The following EIF2B4 variants were observed in gnomAD, a reference collection of about 807,000 sequenced individuals.
EIF2B4 encodes the protein eukaryotic translation initiation factor 2B subunit delta.
EIF2B4 carries 34 observed loss-of-function variants against 66.7 expected under a neutral mutation model. The observed-to-expected ratio is 0.51, with a 90% confidence interval of 0.39 to 0.68. The LOEUF (loss-of-function observed/expected upper bound fraction) is 0.68, where lower values mean the gene tolerates loss of function less well. EIF2B4 is among the 30% of genes least tolerant of loss of function. The pLI, the probability that EIF2B4 is intolerant of heterozygous loss-of-function variation, is 0.00. For synonymous variants in EIF2B4, 278 were observed against 253.6 expected (o/e 1.10, Z -0.92); for missense variants, 618 against 657.9 (o/e 0.94, Z 0.66).
intron 11 of EIF2B4, 110 bp downstream of exon 11, chr2:27,366,649 A>C (rs1681883994): frequency 1.9e-5 from 26 of 1,358,396 alleles, no homozygotes; most frequent in Non-Finnish European, 2.5e-5. Flanking sequence ...GCTGCACTCC[A>C]TCCTTATCTC....
At chr2:27,368,956 C>T in intron 4 of EIF2B4, 50 bp downstream of exon 4, 1 of 1,609,164 alleles carries the variant, frequency 6.2e-7, no homozygotes, top group African/African-American at 1.3e-5. Flanking sequence ...GCAGCCTGAG[C>T]TGGCGTTATA....
chr2:27,368,331 T>G, intron 6 of EIF2B4, 41 bp downstream of exon 6: 1 of 1,558,410 alleles, frequency 6.4e-7, no homozygotes, highest in Non-Finnish European at 8.9e-7. Context: ...TTACTAAAAC[T>G]CCTCAGACTC....
At chr2:27,368,346 G>A (rs768638665) in intron 6 of EIF2B4, 26 bp downstream of exon 6, 33 of 1,591,000 alleles carry the variant, frequency 2.1e-5, no homozygotes, top group Non-Finnish European at 2.8e-5. Context: ...AGACTCAAAA[G>A]TTATGACAAT....
At chr2:27,370,220 G>A (rs1321431282) in intron 1 of EIF2B4, 64 bp downstream of exon 1, 4 of 1,541,126 alleles carry the variant, frequency 2.6e-6, no homozygotes, top group East Asian at 2.4e-5. Context: ...CTCAAGGCCC[G>A]GCACTAGCTG....
Position 27,367,457 on chromosome 2 carries a change from C to T in EIF2B4, c.885G>A (p.Glu295=). Residue 295 remains glutamate, a splice_region_variant and synonymous_variant, in exon 9 of 13, where the codon GAG becomes GAA. Transcript: ENST00000347454. ...CTTCCTTATTTCTCATACTCATCAC[C>T]TCCTCTTCCCGCTTGGAACTGCCCA... The part of the protein sequence containing the change: ...TSVGSSKREE[E]AKSELRAAID... 1 of 1,614,068 alleles carries T rather than the reference C, an allele frequency of 6.2e-7. No homozygotes were observed.
At chr2:27,369,735 C>T in intron 2 of EIF2B4, 141 bp downstream of exon 2, 2 of 1,438,892 alleles carry the variant, frequency 1.4e-6, no homozygotes, top group Middle Eastern at 1.8e-4. Context: ...TCATATATCC[C>T]TAGGGTTGCA....
At position 27,367,739 on chromosome 2, in the gene EIF2B4, T is replaced by C. The variant is rs1315231810; in HGVS notation, c.782+7A>G. The C allele has an allele frequency of 2.5e-6, 4 of 1,609,124 alleles. No individual in the cohort carries two copies. The highest frequency in any genetic ancestry group is 3.4e-6 in the Non-Finnish European group (4 of 1,175,460). ...AGCTGGGAGTGGACTTATAGTGTTG[T>C]CCCTACCTCATGTAGGGTTTTAGTT... is the stretch of plus-strand genomic sequence containing the variant. On this transcript the variant is annotated splice_region_variant and intron_variant, in intron 8 of 12. Coordinates refer to ENST00000347454, the MANE Select transcript of EIF2B4 (RefSeq NM_001034116.2).
In EIF2B4 at chr2:27,369,066, C is replaced by A. The variant is rs1682113289; in HGVS notation, c.358G>T (p.Gly120Trp). The A allele has an allele frequency of 6.2e-7, 1 of 1,614,058 alleles. No homozygotes were observed. Among genetic ancestry groups the A allele is most frequent in the Admixed American group, 1.7e-5 (1 of 60,000 alleles). ...AERALKQARKGEQGGPPPKAS... is the reference protein window; with the variant it reads ...AERALKQARKWEQGGPPPKAS... Reference sequence around the variant, plus strand: ...TTAGGAGGTGGTCCTCCTTGTTCCCCTTTTCTTGCCTGTTTCAGGGCCCGC... The same window carrying A: ...TTAGGAGGTGGTCCTCCTTGTTCCCATTTTCTTGCCTGTTTCAGGGCCCGC... The change falls in exon 4 of 13, where the codon GGG (glycine) becomes TGG (tryptophan). Residue 120 changes from glycine (G) to tryptophan (W), a missense_variant. Physicochemically the swap from Gly to Trp is radical, Grantham distance 184. This residue lies in a region of EIF2B4 where 506 missense variants were observed against 511.9 expected (regional missense o/e 0.99). Coordinates refer to ENST00000347454, the MANE Select transcript of EIF2B4 (RefSeq NM_001034116.2).
At position 27,370,300 on chromosome 2, in the gene EIF2B4, G is replaced by A. The variant is rs575951063; in HGVS notation, c.15C>T (p.Ala5=). The A allele has an allele frequency of 1.7e-5, 26 of 1,545,928 alleles. No individual in the cohort carries two copies. The South Asian group carries it at 2.4e-4, about 14-fold the overall frequency. ...TTCACTCACCCTCGCGAACAGCCAC[G>A]GCCACAGCAGCCATCGCCCTCAGTC... The part of the protein sequence containing the change: MAAV[A]VAVREDSGSG... The change falls in exon 1 of 13, where the codon GCC becomes GCT. Residue 5 remains alanine, a synonymous_variant. Coordinates refer to ENST00000347454, the MANE Select transcript of EIF2B4 (RefSeq NM_001034116.2).
At chr2:27,365,073 T>G (rs1681751271) in intron 11 of EIF2B4, 175 bp from the exon 12 acceptor site, 1 of 671,150 alleles carries the variant, frequency 1.5e-6, no homozygotes, top group Non-Finnish European at 2.5e-6. Flanking sequence ...TTTTTTTCTT[T>G]GAGATGAAGT....
intron 2 of EIF2B4, 95 bp downstream of exon 2, chr2:27,369,777 GAAAT>G: frequency 6.7e-7 from 1 of 1,482,804 alleles, no homozygotes; most frequent in Non-Finnish European, 9.1e-7. Context: ...GCTTTACTGA[GAAAT>G]AAACCGACAC....
In EIF2B4 at chr2:27,368,433, CTT is replaced by C; in HGVS notation, c.527_528del (p.Lys176SerfsTer69). 6.2e-7 allele frequency: 1 copy of C among 1,614,158 alleles called. No homozygotes were observed. Among genetic ancestry groups the C allele is most frequent in the Non-Finnish European group, 8.5e-7 (1 of 1,180,006 alleles). On this transcript the variant is annotated frameshift_variant, in exon 6 of 13. Coordinates refer to ENST00000347454, the MANE Select transcript of EIF2B4 (RefSeq NM_001034116.2). LOFTEE classifies it high-confidence loss of function. Reference protein sequence around the residue: ...QVPTRKDYGSKVSLFSHLPQY... With the variant: ...QVPTRKDYGSXVSLFSHLPQY... ...TGGGGTAGGTGAGAGAAGAGACTGACTTTGGATCCATAATCCTTTCGTGTAGG... is the reference window on the plus strand; with the variant it reads ...TGGGGTAGGTGAGAGAAGAGACTGACTGGATCCATAATCCTTTCGTGTAGG...
rs56053133 is a variant in EIF2B4, at chr2:27,366,215, GGTGTGTGTGTGTGTGTGT to G, written c.1191+526_1191+543del. On this transcript the variant is annotated intron_variant, in intron 11 of 12. Transcript: ENST00000347454. Reference sequence around the variant, plus strand: ...CATGCCCGGGGTGGGGGTGGGGTGGGGTGTGTGTGTGTGTGTGTGTGTGTGTGTGTGTGTGTGTGTGTG... The same window carrying G: ...CATGCCCGGGGTGGGGGTGGGGTGGGGTGTGTGTGTGTGTGTGTGTGTGTG... The G allele has an allele frequency of 8.6e-4, 88 of 102,706 alleles. 1 individual carries two copies. The highest frequency in any genetic ancestry group is 2.4e-3 in the African/African-American group (56 of 23,764). 6.4% of individuals were successfully genotyped at this position (102,706 alleles called of 1,614,324 possible).
chr2:27,369,332 G>C lies in EIF2B4; in HGVS notation c.211+82C>G, dbSNP rs552226155. ...TTACACACTTGCTCAAATCAACTTT[G>C]TCCTGTCTCTCCCTTATCTCTCCCA... On this transcript the variant is annotated intron_variant, in intron 3 of 12. Coordinates refer to ENST00000347454, the MANE Select transcript of EIF2B4 (RefSeq NM_001034116.2). The C allele has an allele frequency of 3.5e-5, 57 of 1,609,424 alleles. No individual in the cohort carries two copies. In the African/African-American group the frequency reaches 7.2e-4, roughly 20 times the overall value.
chr2:27,369,668 G>A (rs1305140018), intron 2 of EIF2B4, 119 bp from the exon 3 acceptor site: 5 of 1,553,606 alleles, frequency 3.2e-6, no homozygotes, highest in Non-Finnish European at 4.4e-6. Context: ...ACTTCCACAA[G>A]CTACCTGTTG....
rs778090500 is a variant in EIF2B4, at chr2:27,369,915, C to T, written c.36G>A (p.Ser12=). The change falls in exon 2 of 13, where the codon TCG becomes TCA. Residue 12 remains serine, a synonymous_variant. Coordinates refer to ENST00000347454, the MANE Select transcript of EIF2B4 (RefSeq NM_001034116.2). ...GAAGCTCCGCCTTCATCCCGGATCC[C>T]GAGTCTGCATCAGAAAACAGGGCAC... ...AAVAVAVRED[S]GSGMKAELPP... is the part of the protein sequence containing the mutation. 24 of 1,583,108 alleles carry T rather than the reference C, an allele frequency of 1.5e-5. No individual in the cohort carries two copies. The Admixed American group carries it at 4.2e-4, about 27-fold the overall frequency.
At chr2:27,369,760 T>C in intron 2 of EIF2B4, 116 bp downstream of exon 2, 1 of 1,459,088 alleles carries the variant, frequency 6.9e-7, no homozygotes, top group Admixed American at 2.3e-5. Context: ...CTCTGTAAAA[T>C]CTCCTGGCTT....
At chr2:27,369,339 C>A in intron 3 of EIF2B4, 75 bp downstream of exon 3, 2 of 1,590,918 alleles carry the variant, frequency 1.3e-6, no homozygotes, top group Non-Finnish European at 1.7e-6. Context: ...TTTGTCCTGT[C>A]TCTCCCTTAT....
chr2:27,368,860 G>C, intron 4 of EIF2B4, 127 bp from the exon 5 acceptor site: 1 of 1,418,626 alleles, frequency 7.0e-7, no homozygotes, highest in East Asian at 2.3e-5. Flanking sequence ...GGTAGAAAAG[G>C]AAATAGGGAT....
Sources: allele counts gnomAD v4.1 joint callset, GRCh38; gene constraint gnomAD v4.1.1; regional missense constraint gnomAD v4.1.1; transcripts MANE v1.5; gene names NCBI Gene and HGNC (gene_info 2026-07-23, HGNC 2026-07-21).